The following ABCA12 variants were observed in gnomAD, a reference collection of about 807,000 sequenced individuals.
The protein encoded by ABCA12 is glucosylceramide transporter ABCA12.
Under a neutral mutation model 293.5 loss-of-function variants are expected in ABCA12, and 156 were observed. The ratio of observed to expected loss-of-function variants is 0.53; its 90% CI spans 0.47 to 0.61. The LOEUF is 0.61. Ranked by LOEUF, ABCA12 falls within the 20% of genes least tolerant of loss-of-function variation. The pLI, the probability that ABCA12 is intolerant of heterozygous loss-of-function variation, is 0.00. For synonymous variants in ABCA12, 1,063 were observed against 1,108.0 expected, an observed-to-expected ratio of 0.96 and a Z score of 0.81; for missense variants, 2,797 against 3,090.2, an observed-to-expected ratio of 0.91 and a Z score of 2.25.
chr2:215,017,733 G>T, intron 14 of ABCA12: 1 of 383,334 alleles, frequency 2.6e-6, no homozygotes, highest in East Asian at 5.8e-5. Context: ...CTCATTGATT[G>T]AGGAAGCCAT....
chr2:214,941,625 C>T (rs542226296), intron 50 of ABCA12, among the ~76,000 whole-genome samples: 5 of 151,838 alleles, frequency 3.3e-5, no homozygotes, highest in South Asian at 2.1e-4. Context: ...TTATGAATCT[C>T]GGTGCTCCTG....
chr2:215,080,330 T>C (rs570406352), intron 2 of ABCA12, among the ~76,000 whole-genome samples: 2 of 152,150 alleles, frequency 1.3e-5, no homozygotes, highest in African/African-American at 4.8e-5. Context: ...AGATATCATA[T>C]CTACCAAAAA....
chr2:214,999,127 G>A (rs1245636217), intron 22 of ABCA12, among the ~76,000 whole-genome samples: 1 of 151,960 alleles, frequency 6.6e-6, no homozygotes, highest in Non-Finnish European at 1.5e-5. Flanking sequence ...TTTTTTTGTT[G>A]TTGTTTCCTG....
chr2:215,117,549 T>C (rs1208880449), intron 1 of ABCA12, among the ~76,000 whole-genome samples: 1 of 152,226 alleles, frequency 6.6e-6, no homozygotes, highest in Non-Finnish European at 1.5e-5. Context: ...TATTTACAAA[T>C]TTCAAAAACC....
chr2:215,015,398 TCATC>T, intron 15 of ABCA12, 88 bp downstream of exon 15: 1 of 1,243,042 alleles, frequency 8.0e-7, no homozygotes, highest in Non-Finnish European at 1.1e-6. Context: ...TAAATGGATC[TCATC>T]CCTCATAGTA....
At chr2:215,054,394 A>C (rs971486472) in intron 4 of ABCA12, among the ~76,000 whole-genome samples, 179 bp downstream of exon 4, 1 of 152,068 alleles carries the variant, frequency 6.6e-6, no homozygotes, top group Non-Finnish European at 1.5e-5. Context: ...AATTATTTTC[A>C]ACACCTTTGC....
chr2:215,094,021 C>T (rs1053384074), intron 2 of ABCA12, among the ~76,000 whole-genome samples: 7 of 152,304 alleles, frequency 4.6e-5, no homozygotes, highest in South Asian at 2.1e-4. Flanking sequence ...CCATATCTAT[C>T]GTTGAGGCTA....
chr2:215,138,267 A>T lies in ABCA12; in HGVS notation c.-59T>A, dbSNP rs1249827119. 6.4e-7 allele frequency: 1 copy of T among 1,566,806 alleles called. No individual in the cohort carries two copies. The highest frequency in any genetic ancestry group is 8.8e-7 in the Non-Finnish European group (1 of 1,137,042). On this transcript the variant is annotated 5_prime_UTR_variant, in exon 1 of 53. Transcript: ENST00000272895. ...CTTTTCTCCACTCCACAAATGAAGA[A>T]CTGATGCCCCGTCCAACTTGCTGTA...
At chr2:214,943,737 G>C (rs914068871) in intron 49 of ABCA12, among the ~76,000 whole-genome samples, 3 of 151,980 alleles carry the variant, frequency 2.0e-5, no homozygotes, top group Non-Finnish European at 4.4e-5. Context: ...TTTATAACTA[G>C]TTGGCCTGTA....
chr2:215,071,948 G>A (rs765250957), intron 2 of ABCA12, among the ~76,000 whole-genome samples: 2 of 152,178 alleles, frequency 1.3e-5, no homozygotes, highest in East Asian at 1.9e-4. Flanking sequence ...TGTGTGCTCA[G>A]TGGGTGTGGT....
chr2:214,981,954 A>ATTTTTTTTTTTT (rs1559128627), intron 30 of ABCA12, among the ~76,000 whole-genome samples: 1 of 125,064 alleles, frequency 8.0e-6, no homozygotes, highest in African/African-American at 3.4e-5. Context: ...TATTATTATT[A>ATTTTTTTTTTTT]TTATTATTAT....
intron 44 of ABCA12, 121 bp downstream of exon 44, chr2:214,953,733 A>C: frequency 7.6e-7 from 1 of 1,322,708 alleles, no homozygotes; most frequent in Non-Finnish European, 1.0e-6. Flanking sequence ...ATTTTTTAAA[A>C]GTTTTTGAGC....
In ABCA12 at chr2:214,947,501, G is replaced by A; in HGVS notation, c.7160C>T (p.Thr2387Ile). The change falls in exon 48 of 53, where the codon ACC becomes ATC. Residue 2387 changes from threonine (T) to isoleucine (I), a missense_variant. Physicochemically the swap from Thr to Ile is moderately conservative, Grantham distance 89. Transcript: ENST00000272895. ...TTTTGTGCCATAACTGCACATAGAG[G>A]TAGCTCTGTCCTTGAAGGGCATCAG... ...LHLMPFKDRA[T>I]SMCSYGTKRK... 1 of 1,613,956 alleles carries A rather than the reference G, an allele frequency of 6.2e-7. No individual in the cohort carries two copies. The highest frequency in any genetic ancestry group is 8.5e-7 in the Non-Finnish European group (1 of 1,179,908).
chr2:214,982,143 A>T (rs1340371026), intron 30 of ABCA12, 44 bp downstream of exon 30: 2 of 1,602,634 alleles, frequency 1.2e-6, no homozygotes, highest in South Asian at 2.2e-5. Flanking sequence ...CAGAGGGCAG[A>T]AGTATGACTG....
rs746139447 is a variant in ABCA12, at chr2:214,950,887, C to T, written c.6844G>A (p.Ala2282Thr). 29 of 1,613,844 alleles carry T rather than the reference C, an allele frequency of 1.8e-5. No homozygotes were observed. The African/African-American group carries it at 3.5e-4, about 19-fold the overall frequency. ...AAAACACAGTTTCTTACCTCTCCAG[C>T]AGGTATCCCAATGCTGATGTTGTTT... ...AVNNISIGIP[A>T]GECFGLLGVN... Residue 2282 changes from alanine (A) to threonine (T), a missense_variant, in exon 45 of 53, where the codon GCT (alanine) becomes ACT (threonine). Physicochemically the swap from Ala to Thr is moderately conservative, Grantham distance 58. Transcript: ENST00000272895.
In ABCA12 at chr2:214,958,326, G is replaced by A; in HGVS notation, c.6068C>T (p.Ser2023Leu). 1 of 1,614,040 alleles carries A rather than the reference G, an allele frequency of 6.2e-7. No homozygotes were observed. Residue 2023 changes from serine (S) to leucine (L), a missense_variant, in exon 41 of 53, where the codon TCA becomes TTA. Ser to Leu is a moderately radical substitution (Grantham distance 145). Coordinates refer to ENST00000272895, the MANE Select transcript of ABCA12 (RefSeq NM_173076.3). ...CCAGTAGCATGTCACGCCAATGCCT[G>A]AAATGTGCTGCAACTGTTTGGCTTT... is the stretch of plus-strand genomic sequence containing the variant. ...QTKAKQLQHI[S>L]GIGVTCYWVT...
At chr2:214,944,418 AAAAATT>A (rs1698509983) in intron 49 of ABCA12, among the ~76,000 whole-genome samples, 1 of 131,074 alleles carries the variant, frequency 7.6e-6, no homozygotes, top group South Asian at 2.7e-4. Context: ...TCTAAATAAA[AAAAATT>A]AAAAAATAAA....
chr2:214,987,617 C>T, intron 27 of ABCA12, 30 bp downstream of exon 27: 2 of 1,599,142 alleles, frequency 1.3e-6, no homozygotes, highest in Non-Finnish European at 8.5e-7. Flanking sequence ...TCTCTCATAA[C>T]AAAGCACGCT....
chr2:214,958,621 C>T (rs961909285), intron 40 of ABCA12, among the ~76,000 whole-genome samples, 167 bp from the exon 41 acceptor site: 2 of 152,118 alleles, frequency 1.3e-5, no homozygotes, highest in Non-Finnish European at 2.9e-5. Flanking sequence ...GTGACTCTAC[C>T]ATGACCCTAG....
Sources: allele counts gnomAD v4.1 joint callset (sites outside exome capture counted in the v4.1 genomes callset), GRCh38; gene constraint gnomAD v4.1.1; transcripts MANE v1.5; gene names NCBI Gene and HGNC (gene_info 2026-07-23, HGNC 2026-07-21).